The following CDH13 variants were observed in gnomAD, a reference collection of about 807,000 sequenced individuals.
The protein encoded by CDH13 is cadherin-13.
A neutral mutation model predicts 63.8 loss-of-function variants in CDH13; 24 were observed. That is an observed-to-expected ratio of 0.38 (90% CI 0.27 to 0.53). The LOEUF is 0.53. CDH13 is among the 20% of genes least tolerant of loss of function. The pLI is 0.85. For synonymous variants in CDH13, 503 were observed against 355.3 expected (o/e 1.42, Z -4.67); for missense variants, 1,049 against 903.1 (o/e 1.16, Z -2.07).
chr16:82,716,704 T>C (rs2032397170), intron 1 of CDH13, among the ~76,000 whole-genome samples: 1 of 150,924 alleles, frequency 6.6e-6, no homozygotes, highest in Admixed American at 6.6e-5. Flanking sequence ...AAATCATTAG[T>C]TGCCTGCACA....
At chr16:83,126,879 G>A (rs2035835400) in intron 4 of CDH13, among the ~76,000 whole-genome samples, 1 of 152,160 alleles carries the variant, frequency 6.6e-6, no homozygotes, top group African/African-American at 2.4e-5. Flanking sequence ...TGGGAAGACA[G>A]AAACAAGAAC....
intron 1 of CDH13, among the ~76,000 whole-genome samples, chr16:82,830,736 C>A (rs2038498994): frequency 6.6e-6 from 1 of 152,146 alleles, no homozygotes; most frequent in Non-Finnish European, 1.5e-5. Flanking sequence ...TTGAATAGAC[C>A]AATACCTTGT....
In CDH13 at chr16:83,059,690, C is replaced by T. The variant is rs76114334; in HGVS notation, c.366+27472C>T. Among the ~76,000 whole-genome samples the T allele has an allele frequency of 7.5e-3, 1,133 of 151,828 alleles. 9 individuals are homozygous for T. Among genetic ancestry groups the T allele is most frequent in the Non-Finnish European group, 0.012 (844 of 67,958 alleles). On this transcript the variant is annotated intron_variant, in intron 3 of 13. Coordinates refer to ENST00000567109, the MANE Select transcript of CDH13 (RefSeq NM_001257.5). Reference sequence around the variant, plus strand: ...GACTTTCTGGTTCCATGACACACATCACATCTGCAATAGAGCTTAAAGACA... The same window carrying T: ...GACTTTCTGGTTCCATGACACACATTACATCTGCAATAGAGCTTAAAGACA...
At chr16:83,591,851 A>C (rs1480797843) in intron 7 of CDH13, among the ~76,000 whole-genome samples, 1 of 152,218 alleles carries the variant, frequency 6.6e-6, no homozygotes, top group East Asian at 1.9e-4. Flanking sequence ...TGTCCTGAAC[A>C]GAACCAGAAT....
chr16:82,870,415 C>CA (rs1170983109), intron 2 of CDH13, among the ~76,000 whole-genome samples: 1 of 151,888 alleles, frequency 6.6e-6, no homozygotes, highest in Admixed American at 6.6e-5. Flanking sequence ...GGATGGTCCC[C>CA]AAAAAACTAA....
chr16:83,367,943 T>A (rs1036209108), intron 6 of CDH13, among the ~76,000 whole-genome samples: 1 of 152,248 alleles, frequency 6.6e-6, no homozygotes, highest in Non-Finnish European at 1.5e-5. Flanking sequence ...CATTTATTTT[T>A]GTTAATTTCC....
intron 2 of CDH13, among the ~76,000 whole-genome samples, chr16:82,965,190 C>T (rs1907628175): frequency 6.6e-6 from 1 of 152,174 alleles, no homozygotes; most frequent in East Asian, 1.9e-4. Flanking sequence ...ACCCCTCACC[C>T]GTCTCGTTTT....
chr16:83,275,868 A>T (rs950799681), intron 5 of CDH13, among the ~76,000 whole-genome samples: 2 of 152,216 alleles, frequency 1.3e-5, no homozygotes, highest in Non-Finnish European at 2.9e-5. Flanking sequence ...CAAATGAGCC[A>T]TGAAAACTGC....
At chr16:83,457,180 A>C (rs2073046789) in intron 6 of CDH13, among the ~76,000 whole-genome samples, 1 of 152,130 alleles carries the variant, frequency 6.6e-6, no homozygotes, top group Non-Finnish European at 1.5e-5. Context: ...CAGTTCCTTT[A>C]ATCACTGGGG....
intron 8 of CDH13, 68 bp from the exon 9 acceptor site, chr16:83,670,722 T>C (rs1034399474): frequency 9.3e-6 from 13 of 1,392,302 alleles, no homozygotes; most frequent in Non-Finnish European, 1.2e-5. Flanking sequence ...ACATACCCAA[T>C]GCAAAGCATG....
intron 1 of CDH13, among the ~76,000 whole-genome samples, chr16:82,845,629 T>A (rs1356105029): frequency 6.6e-6 from 1 of 152,196 alleles, no homozygotes; most frequent in African/African-American, 2.4e-5. Context: ...GCCTGCCACA[T>A]GGTAGGCATT....
intron 7 of CDH13, among the ~76,000 whole-genome samples, chr16:83,522,428 C>T (rs915985888): frequency 3.9e-5 from 6 of 152,142 alleles, no homozygotes; most frequent in Non-Finnish European, 8.8e-5. Context: ...GCGCAATATG[C>T]AACCGTGGAG....
chr16:83,659,935 C>A (rs758415830), intron 8 of CDH13, among the ~76,000 whole-genome samples: 62 of 151,986 alleles, frequency 4.1e-4, no homozygotes, highest in Non-Finnish European at 4.4e-5. Context: ...TACAGGCACC[C>A]GCCACCACAC....
chr16:83,591,871 C>T (rs8060601), intron 7 of CDH13, among the ~76,000 whole-genome samples: 31,562 of 152,120 alleles, frequency 0.21, 3,552 homozygotes, highest in Admixed American at 0.3. Flanking sequence ...TCAGCCTTCC[C>T]TTCTTATTCA....
intron 10 of CDH13, among the ~76,000 whole-genome samples, chr16:83,695,650 T>C (rs576298270): frequency 6.6e-6 from 1 of 152,264 alleles, no homozygotes; most frequent in South Asian, 2.1e-4. Flanking sequence ...ATGTTTAAAA[T>C]GATTAGGGGA....
chr16:82,801,581 C>T (rs1221245848), intron 1 of CDH13, among the ~76,000 whole-genome samples: 3 of 152,198 alleles, frequency 2.0e-5, no homozygotes, highest in Non-Finnish European at 2.9e-5. Context: ...CTACTGGATG[C>T]TGACTCAAGG....
intron 7 of CDH13, among the ~76,000 whole-genome samples, chr16:83,550,056 G>A (rs1001414498): frequency 6.6e-6 from 1 of 152,238 alleles, no homozygotes; most frequent in Non-Finnish European, 1.5e-5. Context: ...AATTGGGGAT[G>A]CTCTTGCCTT....
At chr16:83,567,562 A>G (rs1250702326) in intron 7 of CDH13, among the ~76,000 whole-genome samples, 1 of 152,168 alleles carries the variant, frequency 6.6e-6, no homozygotes, top group Non-Finnish European at 1.5e-5. Flanking sequence ...GAAATTGTCT[A>G]GACAAGTTTT....
chr16:83,025,719 C>T (rs140865922), intron 2 of CDH13, among the ~76,000 whole-genome samples: 7 of 152,292 alleles, frequency 4.6e-5, no homozygotes, highest in Admixed American at 1.3e-4. Context: ...CTTAAAACTT[C>T]CCTTTCTTGG....
Sources: gnomAD v4.1 joint callset for allele counts (sites outside exome capture counted in the v4.1 genomes callset) on GRCh38, gnomAD v4.1.1 for gene constraint, MANE v1.5 for transcripts, NCBI Gene and HGNC (gene_info 2026-07-23, HGNC 2026-07-21) for gene names.